The following ZNF804B variants were observed in gnomAD, a reference collection of about 807,000 sequenced individuals.
ZNF804B encodes the protein zinc finger 804B.
Under a neutral mutation model 101.4 loss-of-function variants are expected in ZNF804B, and 80 were observed. That is an observed-to-expected ratio of 0.79 (90% CI 0.66 to 0.95). ZNF804B has a LOEUF of 0.95. ZNF804B is among the 40% of genes least tolerant of loss of function. The pLI, the probability that ZNF804B is intolerant of heterozygous loss-of-function variation, is 0.00. For missense variants in ZNF804B, 1,673 were observed against 1,561.9 expected (o/e 1.07, Z -1.20); for synonymous variants, 622 against 558.8 (o/e 1.11, Z -1.59).
intron 1 of ZNF804B, among the ~76,000 whole-genome samples, chr7:88,866,776 G>T (rs767595202): frequency 5.9e-5 from 9 of 152,146 alleles, no homozygotes; most frequent in Non-Finnish European, 1.0e-4. Flanking sequence ...GGTTTAGGGT[G>T]ATTTGTTGAA....
intron 1 of ZNF804B, among the ~76,000 whole-genome samples, chr7:89,134,123 G>A (rs958979981): frequency 6.6e-6 from 1 of 151,980 alleles, no homozygotes; most frequent in Non-Finnish European, 1.5e-5. Context: ...AAACAAATAA[G>A]CAAACAAAAA....
chr7:88,883,011 T>C (rs1259412841), intron 1 of ZNF804B, among the ~76,000 whole-genome samples: 1 of 151,882 alleles, frequency 6.6e-6, no homozygotes, highest in African/African-American at 2.4e-5. Context: ...AAAATGAAAA[T>C]TGAAATTAAA....
chr7:88,848,096 G>C (rs1250379744), intron 1 of ZNF804B, among the ~76,000 whole-genome samples: 1 of 152,110 alleles, frequency 6.6e-6, no homozygotes, highest in Non-Finnish European at 1.5e-5. Flanking sequence ...CAAAGGGAGT[G>C]GGGAACAGTA....
intron 1 of ZNF804B, among the ~76,000 whole-genome samples, chr7:89,004,946 C>T (rs1255056221): frequency 6.6e-6 from 1 of 151,832 alleles, no homozygotes; most frequent in Non-Finnish European, 1.5e-5. Context: ...CTGAAAACTT[C>T]CTCTTCTGTT....
intron 1 of ZNF804B, among the ~76,000 whole-genome samples, chr7:89,129,834 T>G (rs2116377918): frequency 6.6e-6 from 1 of 152,074 alleles, no homozygotes; most frequent in Non-Finnish European, 1.5e-5. Context: ...GCTGGATACT[T>G]TATATCCTGG....
At chr7:89,317,696 TGG>T (rs1790753464) in intron 2 of ZNF804B, among the ~76,000 whole-genome samples, 1 of 152,120 alleles carries the variant, frequency 6.6e-6, no homozygotes, top group Non-Finnish European at 1.5e-5. Flanking sequence ...GCTGAAGAGG[TGG>T]CAGGAAAGTT....
Position 89,095,040 on chromosome 7 carries a change from C to A in ZNF804B, c.109-123115C>A, listed in dbSNP as rs1789951087. Among the ~76,000 whole-genome samples, 3 of 151,998 alleles carry A rather than the reference C, an allele frequency of 2.0e-5. No homozygotes were observed. In the South Asian group the frequency reaches 6.2e-4, roughly 32 times the overall value. On this transcript the variant is annotated intron_variant, in intron 1 of 3. Transcript: ENST00000333190. The stretch of plus-strand genomic sequence containing the variant: ...CTCTTCTTGTGATACAATGTTTTTG[C>A]TATGGTTTGAATGTTTTTGTTGCCT...
chr7:89,280,274 T>G (rs967797975), intron 2 of ZNF804B, among the ~76,000 whole-genome samples: 30 of 151,556 alleles, frequency 2.0e-4, no homozygotes, highest in African/African-American at 6.8e-4. Flanking sequence ...TAGAGAGAAA[T>G]TTATAGCACT....
chr7:89,096,704 C>T (rs1162001020), intron 1 of ZNF804B, among the ~76,000 whole-genome samples: 2 of 152,178 alleles, frequency 1.3e-5, no homozygotes, highest in Non-Finnish European at 2.9e-5. Context: ...GATTGTCTAA[C>T]TCATTGATAT....
At position 89,333,875 on chromosome 7, in the gene ZNF804B, T is replaced by G. The variant is rs571833966; in HGVS notation, c.893T>G (p.Ile298Arg). 5 of 1,578,346 alleles carry G rather than the reference T, an allele frequency of 3.2e-6. No individual in the cohort carries two copies. The East Asian group carries it at 1.2e-4, about 38-fold the overall frequency. ...LESVLHNTIS[I>R]NSKILQDKHD... The stretch of plus-strand genomic sequence containing the variant: ...AGTGTTTTACACAATACCATCTCCA[T>G]AAACTCTAAAATTTTGCAAGACAAA... The change falls in exon 4 of 4, where the codon ATA becomes AGA. Residue 298 changes from isoleucine (I) to arginine (R), a missense_variant. Transcript: ENST00000333190.
intron 1 of ZNF804B, among the ~76,000 whole-genome samples, chr7:88,991,986 T>C (rs1209470204): frequency 1.3e-5 from 2 of 152,190 alleles, no homozygotes; most frequent in Admixed American, 1.3e-4. Flanking sequence ...TCCTTTGCTG[T>C]ACTCTTCCAC....
rs567044775 is a variant in ZNF804B at position 89,226,112 on chromosome 7, G to C, written c.249+7817G>C. On this transcript the variant is annotated intron_variant, in intron 2 of 3. Coordinates refer to ENST00000333190, the MANE Select transcript of ZNF804B (RefSeq NM_181646.5). ...TTTAAAAGGTAAATATGTCAAGCGT[G>C]AAAAAAAGAATCATACCACCCGGTG... Among the ~76,000 whole-genome samples the C allele has an allele frequency of 7.3e-4, 111 of 151,916 alleles. 1 individual carries two copies. The highest frequency in any genetic ancestry group is 1.2e-3 in the Non-Finnish European group (80 of 67,846).
intron 2 of ZNF804B, among the ~76,000 whole-genome samples, chr7:89,311,010 T>C (rs1755825097): frequency 6.6e-6 from 1 of 152,128 alleles, no homozygotes. Flanking sequence ...TGCAAATGCA[T>C]TTCTTTCCCA....
chr7:88,830,057 TG>T (rs975675338), intron 1 of ZNF804B, among the ~76,000 whole-genome samples: 5 of 152,142 alleles, frequency 3.3e-5, no homozygotes, highest in African/African-American at 9.6e-5. Flanking sequence ...TGCCATGGTG[TG>T]GCCCTGGCAG....
chr7:89,109,833 T>C (rs1194094837), intron 1 of ZNF804B, among the ~76,000 whole-genome samples: 1 of 152,180 alleles, frequency 6.6e-6, no homozygotes, highest in African/African-American at 2.4e-5. Flanking sequence ...GTCACTCTAC[T>C]CCTAAAGTGA....
Position 89,336,506 on chromosome 7 carries a change from C to A in ZNF804B, c.3524C>A (p.Ser1175Ter). 6.2e-7 allele frequency: 1 copy of A among 1,614,092 alleles called. No individual in the cohort carries two copies. The highest frequency in any genetic ancestry group is 1.1e-5 in the South Asian group (1 of 91,082). The change falls in exon 4 of 4, where the codon TCA becomes TAA. Residue 1175 changes from serine to a stop codon, truncating the protein, a stop_gained. Transcript: ENST00000333190. LOFTEE classifies it high-confidence loss of function. ...CAGCATATGCAGAAGCAACTCCTATCAAAGCATCTTCGAGTTTTGCCTGCT... is the reference window on the plus strand; with the variant it reads ...CAGCATATGCAGAAGCAACTCCTATAAAAGCATCTTCGAGTTTTGCCTGCT... Reference protein sequence around the residue: ...AQQHMQKQLLSKHLRVLPAAG... With the variant: ...AQQHMQKQLL
intron 1 of ZNF804B, among the ~76,000 whole-genome samples, chr7:89,152,686 A>G (rs1562898485): frequency 2.0e-5 from 3 of 152,198 alleles, no homozygotes; most frequent in Non-Finnish European, 1.5e-5. Context: ...TCTTTTTAAA[A>G]TAAAATATAT....
intron 1 of ZNF804B, among the ~76,000 whole-genome samples, chr7:88,797,125 A>G (rs1025747533): frequency 6.6e-6 from 1 of 152,050 alleles, no homozygotes; most frequent in Admixed American, 6.6e-5. Context: ...CTAAATTAAC[A>G]TGTTTTTTCC....
chr7:89,334,806 C>T lies in ZNF804B; in HGVS notation c.1824C>T (p.Ala608=). The T allele has an allele frequency of 6.2e-7, 1 of 1,613,760 alleles. No homozygotes were observed. The highest frequency in any genetic ancestry group is 8.5e-7 in the Non-Finnish European group (1 of 1,179,860). Residue 608 remains alanine (A), a synonymous_variant, in exon 4 of 4, where the codon GCC becomes GCT. Coordinates refer to ENST00000333190, the MANE Select transcript of ZNF804B (RefSeq NM_181646.5). ...ACAAACTTAAGGAAGCTTCAAGGGC[C>T]CATTGGCAAGGCTGCAGAAAGGCAG... ...SENKLKEASR[A]HWQGCRKAVL... is the part of the protein sequence containing the mutation.
Sources: gnomAD v4.1 joint callset for allele counts (sites outside exome capture counted in the v4.1 genomes callset) on GRCh38, gnomAD v4.1.1 for gene constraint, MANE v1.5 for transcripts, NCBI Gene and HGNC (gene_info 2026-07-23, HGNC 2026-07-21) for gene names.